WNK4: variants seen among roughly 807,000 people sequenced by gnomAD.
WNK4 encodes serine/threonine-protein kinase WNK4.
WNK4 carries 94 observed loss-of-function variants against 116.2 expected under a neutral mutation model. The ratio of observed to expected loss-of-function variants is 0.81; its 90% CI spans 0.68 to 0.96. The LOEUF (loss-of-function observed/expected upper bound fraction) is 0.96. Among genes scored for constraint, WNK4 ranks in the 40% least tolerant of loss-of-function variants. The pLI, the probability that WNK4 is intolerant of heterozygous loss-of-function variation, is 0.00. For synonymous variants in WNK4, 655 were observed against 672.7 expected, an observed-to-expected ratio of 0.97 and a Z score of 0.41; for missense variants, 1,542 against 1,650.6, an observed-to-expected ratio of 0.93 and a Z score of 1.14.
chr17:42,794,875 C>G lies in WNK4; in HGVS notation c.2454C>G (p.Ser818=). The G allele has an allele frequency of 1.9e-6, 3 of 1,613,758 alleles. No individual in the cohort carries two copies. The highest frequency in any genetic ancestry group is 1.7e-6 in the Non-Finnish European group (2 of 1,179,914). The part of the protein sequence containing the change: ...GTPLSPGNPF[S]PGTPISPGPI... ...CTTTGTCTCCTGGAAACCCATTTTCCCCTGGAACCCCCATTTCCCCAGGTC... is the reference window on the plus strand; with the variant it reads ...CTTTGTCTCCTGGAAACCCATTTTCGCCTGGAACCCCCATTTCCCCAGGTC... The change falls in exon 14 of 19, where the codon TCC becomes TCG. Residue 818 remains serine (S), a synonymous_variant. Coordinates refer to ENST00000246914, the MANE Select transcript of WNK4 (RefSeq NM_032387.5).
intron 7 of WNK4, 117 bp downstream of exon 7, chr17:42,787,659 C>A: frequency 6.3e-7 from 1 of 1,593,546 alleles, no homozygotes; most frequent in Non-Finnish European, 8.5e-7. Flanking sequence ...AGCCATGAAG[C>A]TCCCTCCAGG....
chr17:42,796,425 T>A (rs2054674333), intron 17 of WNK4, 56 bp from the exon 18 acceptor site: 1 of 1,610,238 alleles, frequency 6.2e-7, no homozygotes, highest in Admixed American at 1.7e-5. Context: ...ATAGACCCCC[T>A]CTCCCCACCT....
In WNK4 at chr17:42,783,948, G is replaced by T; in HGVS notation, c.803G>T (p.Arg268Leu). Reference protein sequence around the residue: ...TSGTLKTYLRRFREMKPRVLQ... With the variant: ...TSGTLKTYLRLFREMKPRVLQ... ...GCGCCCTCCCCCAGGTACCTGAGGC[G>T]GTTCCGGGAGATGAAGCCGCGGGTC... The change falls in exon 3 of 19, where the codon CGG becomes CTG. Residue 268 changes from arginine (R) to leucine (L), a missense_variant. By Grantham distance (102) the Arg-to-Leu change is moderately radical. Transcript: ENST00000246914. The T allele has an allele frequency of 6.2e-7, 1 of 1,613,406 alleles. No homozygotes were observed. The highest frequency in any genetic ancestry group is 2.2e-5 in the East Asian group (1 of 44,872).
At chr17:42,795,600 T>C (rs2054658855) in intron 15 of WNK4, 25 bp from the exon 16 acceptor site, 1 of 1,614,192 alleles carries the variant, frequency 6.2e-7, no homozygotes, top group Middle Eastern at 1.6e-4. Flanking sequence ...CCTTTCCTCA[T>C]GCCTTCTTCC....
Position 42,780,862 on chromosome 17 carries a change from G to T in WNK4, c.164G>T (p.Arg55Leu), listed in dbSNP as rs955842877. The change falls in exon 1 of 19, where the codon CGC (arginine) becomes CTC (leucine). Residue 55 changes from arginine to leucine, a missense_variant. Arg to Leu is a moderately radical substitution (Grantham distance 102). This residue lies in a region of WNK4 where 243 missense variants were observed against 217.8 expected (regional missense o/e 1.12). Transcript: ENST00000246914. Reference sequence around the variant, plus strand: ...TCCGGGAAGGCTGAGCCCCGGCCGCGCTCTTCTCGTCTCAGCCGCCGTAGC... The same window carrying T: ...TCCGGGAAGGCTGAGCCCCGGCCGCTCTCTTCTCGTCTCAGCCGCCGTAGC... The part of the protein sequence containing the change: ...RFSGKAEPRP[R>L]SSRLSRRSSV... 3.7e-6 allele frequency: 6 copies of T among 1,603,592 alleles called. No individual in the cohort carries two copies. The highest frequency in any genetic ancestry group is 2.2e-5 in the South Asian group (2 of 91,052).
chr17:42,794,106 G>A (rs142604731), intron 12 of WNK4: 3 of 331,736 alleles, frequency 9.0e-6, no homozygotes, highest in South Asian at 5.0e-5. Context: ...CGCCCTCCTC[G>A]GCCTCCCAAA....
chr17:42,794,671 A>T lies in WNK4; in HGVS notation c.2350+3A>T. On this transcript the variant is annotated splice_donor_region_variant and intron_variant, in intron 13 of 18. Coordinates refer to ENST00000246914, the MANE Select transcript of WNK4 (RefSeq NM_032387.5). ...CCCCCTCCCAGACCCATCCAATGGT[A>T]TGTACTGAGTTGTGTCCTTGCTCAT... The T allele has an allele frequency of 6.2e-7, 1 of 1,613,616 alleles. No homozygotes were observed. The highest frequency in any genetic ancestry group is 2.2e-5 in the East Asian group (1 of 44,834).
Position 42,795,388 on chromosome 17 carries a change from TAGA to T in WNK4, c.2961+8_2961+10del. 1 of 1,613,620 alleles carries T rather than the reference TAGA, an allele frequency of 6.2e-7. No individual in the cohort carries two copies. Among genetic ancestry groups the T allele is most frequent in the South Asian group, 1.1e-5 (1 of 91,068 alleles). ...CAGCTGAGGTGGAGAGTGAGGTGAG[TAGA>T]AAACCAAGAGGGATGATTAGGGAGA... is the stretch of plus-strand genomic sequence containing the variant. On this transcript the variant is annotated splice_region_variant and intron_variant, in intron 14 of 18. Coordinates refer to ENST00000246914, the MANE Select transcript of WNK4 (RefSeq NM_032387.5).
At chr17:42,786,933 G>T (rs140790126) in intron 6 of WNK4, among the ~76,000 whole-genome samples, 1 of 152,122 alleles carries the variant, frequency 6.6e-6, no homozygotes, top group Non-Finnish European at 1.5e-5. Flanking sequence ...CCTGGCTTCC[G>T]CTCACTAGAT....
Position 42,784,212 on chromosome 17 carries a change from A to G in WNK4, c.1012+55A>G. 6.3e-7 allele frequency: 1 copy of G among 1,597,876 alleles called. No homozygotes were observed. Among genetic ancestry groups the G allele is most frequent in the Admixed American group, 1.7e-5 (1 of 59,958 alleles). The stretch of plus-strand genomic sequence containing the variant: ...TCCTTCCTCCCCCACCTCAGAAGAG[A>G]ACCTGGGGACTCCCTCCCCTCAGCA... On this transcript the variant is annotated intron_variant, in intron 3 of 18. Coordinates refer to ENST00000246914, the MANE Select transcript of WNK4 (RefSeq NM_032387.5). This position sits in a 1 kb window ranked among gnomAD's most constrained non-coding sequence, Gnocchi z 4.4.
Position 42,781,181 on chromosome 17 carries a change from G to A in WNK4, c.483G>A (p.Glu161=), listed in dbSNP as rs973554651. The A allele has an allele frequency of 1.2e-6, 2 of 1,614,204 alleles. No homozygotes were observed. Among genetic ancestry groups the A allele is most frequent in the African/African-American group, 1.3e-5 (1 of 75,058 alleles). Residue 161 remains glutamate, a synonymous_variant, in exon 1 of 19, where the codon GAG becomes GAA. Transcript: ENST00000246914. ...RREQEEKEDM[E]TQAVATSPDG... ...AGCAGGAAGAAAAGGAGGACATGGA[G>A]ACCCAGGCTGTGGCAACGTCCCCCG...
At chr17:42,793,755 A>G (rs750114248) in intron 12 of WNK4, 26 bp downstream of exon 12, 5 of 1,613,396 alleles carry the variant, frequency 3.1e-6, no homozygotes, top group Non-Finnish European at 4.2e-6. Context: ...GGACACTTCC[A>G]GGGGAAATGG....
rs939681236 is a variant in WNK4, at chr17:42,783,713, C to T, written c.792-224C>T. On this transcript the variant is annotated intron_variant, in intron 2 of 18. Coordinates refer to ENST00000246914, the MANE Select transcript of WNK4 (RefSeq NM_032387.5). The stretch of plus-strand genomic sequence containing the variant: ...CTCCCACAGCACCTTGGCCGAGGCC[C>T]TATCTATCAATTTACTTCCCAACCC... The T allele has an allele frequency of 8.4e-6, 5 of 598,742 alleles. No homozygotes were observed. In the Admixed American group the frequency reaches 8.5e-5, roughly 10 times the overall value. 37.1% of individuals were successfully genotyped at this position (598,742 alleles called of 1,614,324 possible). A position where few individuals can be genotyped will look rare whatever the true frequency, so the allele number is the denominator to read the frequency against.
At chr17:42,786,450 T>C (rs1309628950) in intron 6 of WNK4, among the ~76,000 whole-genome samples, 1 of 152,156 alleles carries the variant, frequency 6.6e-6, no homozygotes, top group Non-Finnish European at 1.5e-5. Context: ...TGGAGTGCAG[T>C]GGCGCTATCT....
rs746267751 is a variant in WNK4 at position 42,788,713 on chromosome 17, C to G, written c.2073C>G (p.Cys691Trp). 1 of 1,614,004 alleles carries G rather than the reference C, an allele frequency of 6.2e-7. No homozygotes were observed. Among genetic ancestry groups the G allele is most frequent in the Non-Finnish European group, 8.5e-7 (1 of 1,179,978 alleles). The change falls in exon 11 of 19, where the codon TGC becomes TGG. Residue 691 changes from cysteine to tryptophan, a missense_variant. Physicochemically the swap from Cys to Trp is radical, Grantham distance 215. This residue lies in a region of WNK4 where 808 missense variants were observed against 873.6 expected (regional missense o/e 0.92). Transcript: ENST00000246914. ...VSDQNDRVVE[C>W]QLQTHNSKMV... Reference sequence around the variant, plus strand: ...ACCAGAATGACAGAGTGGTTGAGTGCCAGCTACAGACCCATAACAGCAAGA... The same window carrying G: ...ACCAGAATGACAGAGTGGTTGAGTGGCAGCTACAGACCCATAACAGCAAGA...
At chr17:42,793,789 C>T in intron 12 of WNK4, 60 bp downstream of exon 12, 1 of 1,607,200 alleles carries the variant, frequency 6.2e-7, no homozygotes, top group Non-Finnish European at 8.5e-7. Flanking sequence ...GGGTTTATTA[C>T]TCTCTGCCCT....
In WNK4 at chr17:42,782,577, G is replaced by C. The variant is rs2054496456; in HGVS notation, c.619-181G>C. On this transcript the variant is annotated intron_variant, in intron 1 of 18. Coordinates refer to ENST00000246914, the MANE Select transcript of WNK4 (RefSeq NM_032387.5). This position sits in a 1 kb window ranked among gnomAD's most constrained non-coding sequence, Gnocchi z 4.2. The stretch of plus-strand genomic sequence containing the variant: ...CCAGGTTGGGTGTGTCCTTGGATCA[G>C]CTTACGTGCGGGACTGTTGGAGAGT... Among the ~76,000 whole-genome samples, 1 of 152,252 alleles carries C rather than the reference G, an allele frequency of 6.6e-6. No homozygotes were observed. The highest frequency in any genetic ancestry group is 6.5e-5 in the Admixed American group (1 of 15,288).
Position 42,787,597 on chromosome 17 carries a change from C to T in WNK4, c.1741+55C>T. The T allele has an allele frequency of 3.1e-6, 5 of 1,609,016 alleles. No homozygotes were observed. The South Asian group carries it at 4.4e-5, about 14-fold the overall frequency. On this transcript the variant is annotated intron_variant, in intron 7 of 18. Coordinates refer to ENST00000246914, the MANE Select transcript of WNK4 (RefSeq NM_032387.5). ...TCCCAGAACACCTTGGCCTCTGCCCCCTACCCAGAAGTTCACCCCCACAGC... is the reference window on the plus strand; with the variant it reads ...TCCCAGAACACCTTGGCCTCTGCCCTCTACCCAGAAGTTCACCCCCACAGC...
intron 12 of WNK4, chr17:42,794,368 T>C (rs1013606586): frequency 1.8e-6 from 1 of 567,958 alleles, no homozygotes; most frequent in Middle Eastern, 4.7e-4. Context: ...GCGTCATCAT[T>C]GTCTCTTCCT....
Sources: gnomAD v4.1 joint callset for allele counts (sites outside exome capture counted in the v4.1 genomes callset) on GRCh38, gnomAD v4.1.1 for gene constraint, gnomAD v4.1.1 regional missense constraint, Gnocchi (gnomAD v3.1) non-coding constraint, MANE v1.5 for transcripts, NCBI Gene and HGNC (gene_info 2026-07-23, HGNC 2026-07-21) for gene names.